PLXDC2: variants seen among roughly 807,000 people sequenced by gnomAD.
The protein encoded by PLXDC2 is plexin domain containing 2.
In PLXDC2, 40 loss-of-function variants were observed where a neutral mutation model predicts 68.9. That is an observed-to-expected ratio of 0.58 (90% CI 0.45 to 0.76). PLXDC2 has a LOEUF of 0.76. Ranked by LOEUF, PLXDC2 falls within the 30% of genes least tolerant of loss-of-function variation. PLXDC2 has a pLI of 0.00. For synonymous variants in PLXDC2, 243 were observed against 234.2 expected, an observed-to-expected ratio of 1.04 and a Z score of -0.34; for missense variants, 644 against 661.9, an observed-to-expected ratio of 0.97 and a Z score of 0.30.
rs140533093 is a variant in PLXDC2 at position 20,286,456 on chromosome 10, C to T, written c.*6637C>T. The T allele has an allele frequency of 1.1e-3, 163 of 152,122 alleles. 1 individual carries two copies. Among genetic ancestry groups the T allele is most frequent in the African/African-American group, 3.5e-3 (144 of 41,522 alleles). The allele number at this position is 152,122 out of a possible 1,614,324, so 9.4% of individuals were successfully genotyped here. The stretch of plus-strand genomic sequence containing the variant: ...ATCTCAGTGGCTTCTCTTCATTCCA[C>T]GAGAATTTTGATTTTTAACAGCAGT... On this transcript the variant is annotated 3_prime_UTR_variant, in exon 14 of 14. Transcript: ENST00000377252.
chr10:20,123,836 TAA>T (rs1461019674), intron 4 of PLXDC2, among the ~76,000 whole-genome samples: 13 of 151,408 alleles, frequency 8.6e-5, no homozygotes, highest in African/African-American at 3.2e-4. Flanking sequence ...TGCAGAGATA[TAA>T]GAGGTTGGGG....
chr10:20,246,491 A>G (rs1233611749), intron 13 of PLXDC2, among the ~76,000 whole-genome samples: 1 of 152,222 alleles, frequency 6.6e-6, no homozygotes, highest in Non-Finnish European at 1.5e-5. Flanking sequence ...CTTGGACTAG[A>G]GGCAAACACT....
chr10:20,126,907 A>G (rs1017642312), intron 4 of PLXDC2, among the ~76,000 whole-genome samples: 1 of 147,946 alleles, frequency 6.8e-6, no homozygotes, highest in Non-Finnish European at 1.5e-5. Flanking sequence ...ATATGTATAT[A>G]TGTATATATT....
At chr10:20,110,625 G>A (rs1313637208) in intron 4 of PLXDC2, among the ~76,000 whole-genome samples, 2 of 152,118 alleles carry the variant, frequency 1.3e-5, no homozygotes, top group Middle Eastern at 3.4e-3. Flanking sequence ...CCCCTGGCTC[G>A]GCTCTGAACG....
chr10:20,077,030 C>G (rs1207206101), intron 4 of PLXDC2, among the ~76,000 whole-genome samples: 4 of 152,102 alleles, frequency 2.6e-5, no homozygotes, highest in South Asian at 2.1e-4. Flanking sequence ...TATTATTATA[C>G]CCACGTATTC....
chr10:20,001,295 A>G (rs962935535), intron 1 of PLXDC2, among the ~76,000 whole-genome samples: 2 of 152,206 alleles, frequency 1.3e-5, no homozygotes, highest in Admixed American at 6.5e-5. Flanking sequence ...ACCCGTTCCT[A>G]TACACTGGTG....
intron 6 of PLXDC2, among the ~76,000 whole-genome samples, chr10:20,161,459 T>G (rs1834290852): frequency 6.6e-6 from 1 of 151,978 alleles, no homozygotes; most frequent in African/African-American, 2.4e-5. Flanking sequence ...CTCTCTTTTT[T>G]TTTTTTTGCT....
intron 1 of PLXDC2, among the ~76,000 whole-genome samples, chr10:19,985,821 C>T (rs1834627560): frequency 6.6e-6 from 1 of 152,200 alleles, no homozygotes; most frequent in South Asian, 2.1e-4. Context: ...TGCTAAAACC[C>T]TTCCAGTGAC....
chr10:20,037,817 T>C (rs1835604606), intron 2 of PLXDC2, among the ~76,000 whole-genome samples: 2 of 152,166 alleles, frequency 1.3e-5, no homozygotes, highest in Admixed American at 6.5e-5. Context: ...AGATGGTTAC[T>C]GGGAAAATGG....
chr10:20,106,223 AG>A (rs1380813526), intron 4 of PLXDC2, among the ~76,000 whole-genome samples: 1 of 152,196 alleles, frequency 6.6e-6, no homozygotes, highest in African/African-American at 2.4e-5. Flanking sequence ...GTTTAAAATC[AG>A]GCCACATAGA....
intron 4 of PLXDC2, among the ~76,000 whole-genome samples, chr10:20,137,121 C>A (rs1833944811): frequency 6.6e-6 from 1 of 152,134 alleles, no homozygotes; most frequent in Non-Finnish European, 1.5e-5. Context: ...TACATTTAGG[C>A]CTGAAGCACA....
At chr10:19,932,447 C>T (rs910842312) in intron 1 of PLXDC2, among the ~76,000 whole-genome samples, 5 of 152,186 alleles carry the variant, frequency 3.3e-5, no homozygotes, top group South Asian at 4.1e-4. Flanking sequence ...TCTTTCAGCA[C>T]GTATTAAAAT....
chr10:19,882,130 T>C (rs1383586121), intron 1 of PLXDC2, among the ~76,000 whole-genome samples: 1 of 152,232 alleles, frequency 6.6e-6, no homozygotes, highest in African/African-American at 2.4e-5. Context: ...GATTCCTAAA[T>C]GATGGAACTC....
chr10:19,896,196 G>A (rs1026445950), intron 1 of PLXDC2, among the ~76,000 whole-genome samples: 3 of 152,180 alleles, frequency 2.0e-5, no homozygotes, highest in African/African-American at 7.2e-5. Flanking sequence ...TGAGCTGACT[G>A]TATAACCTAA....
At chr10:19,959,716 G>A (rs954076635) in intron 1 of PLXDC2, among the ~76,000 whole-genome samples, 2 of 152,052 alleles carry the variant, frequency 1.3e-5, no homozygotes, top group African/African-American at 4.8e-5. Flanking sequence ...CCTCTCCTGG[G>A]AGTGCCAGAT....
intron 1 of PLXDC2, among the ~76,000 whole-genome samples, chr10:19,918,075 A>G (rs1348257403): frequency 6.6e-6 from 1 of 152,020 alleles, no homozygotes; most frequent in East Asian, 1.9e-4. Flanking sequence ...AAGTTCCCAC[A>G]CTCCATTTCA....
intron 1 of PLXDC2, among the ~76,000 whole-genome samples, chr10:19,941,278 C>T (rs1015743014): frequency 3.9e-5 from 6 of 152,168 alleles, no homozygotes; most frequent in African/African-American, 1.4e-4. Context: ...CATGATGCTA[C>T]CCTCCCACAC....
chr10:20,132,397 T>C (rs943468479), intron 4 of PLXDC2, among the ~76,000 whole-genome samples: 9 of 152,204 alleles, frequency 5.9e-5, no homozygotes, highest in African/African-American at 2.2e-4. Context: ...TCTGTATACT[T>C]ATGGATTGTT....
In PLXDC2 at chr10:19,932,506, A is replaced by G. The variant is rs111701019; in HGVS notation, c.113-69269A>G. Among the ~76,000 whole-genome samples the G allele has an allele frequency of 5.1e-4, 77 of 152,120 alleles. 1 individual carries two copies. Among genetic ancestry groups the G allele is most frequent in the Non-Finnish European group, 4.6e-4 (31 of 68,018 alleles). On this transcript the variant is annotated intron_variant, in intron 1 of 13. Coordinates refer to ENST00000377252, the MANE Select transcript of PLXDC2 (RefSeq NM_032812.9). ...CCTTCAGCATCCTTCATTTATGTTT[A>G]TTTGTTTCACACACTATACAGCGTT...
Sources: allele counts gnomAD v4.1 joint callset (sites outside exome capture counted in the v4.1 genomes callset), GRCh38; gene constraint gnomAD v4.1.1; transcripts MANE v1.5; gene names NCBI Gene and HGNC (gene_info 2026-07-23, HGNC 2026-07-21).